The following KDM4B variants were observed in gnomAD, a reference collection of about 807,000 sequenced individuals.
The protein encoded by KDM4B is lysine-specific demethylase 4B.
KDM4B carries 32 observed loss-of-function variants against 125.2 expected under a neutral mutation model. The ratio of observed to expected loss-of-function variants is 0.26; its 90% CI spans 0.19 to 0.34. KDM4B has a LOEUF of 0.34. Among genes scored for constraint, KDM4B ranks in the 10% least tolerant of loss-of-function variants. The pLI is 1.00. For missense variants in KDM4B, 1,190 were observed against 1,577.7 expected (o/e 0.75, Z 4.16); for synonymous variants, 721 against 677.9 (o/e 1.06, Z -0.99).
At chr19:5,110,299 C>T (rs1225216455) in intron 9 of KDM4B, among the ~76,000 whole-genome samples, 2 of 152,138 alleles carry the variant, frequency 1.3e-5, no homozygotes, top group African/African-American at 4.8e-5. Flanking sequence ...AGCGAGACCC[C>T]ATCTCTAAAA....
chr19:5,046,149 G>A (rs1416048807), intron 5 of KDM4B, among the ~76,000 whole-genome samples: 3 of 152,218 alleles, frequency 2.0e-5, no homozygotes, highest in South Asian at 2.1e-4. Context: ...GTGATGACCC[G>A]GGAGGGACTC....
Position 5,144,905 on chromosome 19 carries a change from A to G in KDM4B, c.3021+3A>G. The G allele has an allele frequency of 6.2e-7, 1 of 1,613,000 alleles. No homozygotes were observed. Among genetic ancestry groups the G allele is most frequent in the Non-Finnish European group, 8.5e-7 (1 of 1,179,648 alleles). ...CCGTCACCAGCCACATCTACCAGGT[A>G]AGCGGGGGATCTGGCAGCCGCGCCA... On this transcript the variant is annotated splice_donor_region_variant and intron_variant, in intron 21 of 22. Coordinates refer to ENST00000159111, the MANE Select transcript of KDM4B (RefSeq NM_015015.3).
chr19:5,087,667 C>G (rs1289687527), intron 9 of KDM4B, among the ~76,000 whole-genome samples: 1 of 152,252 alleles, frequency 6.6e-6, no homozygotes, highest in Non-Finnish European at 1.5e-5. Flanking sequence ...TGAGGGCCCC[C>G]ATCTCTGAGT....
chr19:5,088,856 C>T (rs1051089419), intron 9 of KDM4B, among the ~76,000 whole-genome samples: 3 of 152,184 alleles, frequency 2.0e-5, no homozygotes, highest in African/African-American at 7.2e-5. Context: ...GAAGTGGGAG[C>T]TGACCTTACC....
intron 1 of KDM4B, among the ~76,000 whole-genome samples, chr19:4,980,210 C>G (rs556363191): frequency 2.0e-5 from 3 of 152,154 alleles, no homozygotes; most frequent in East Asian, 3.8e-4. Context: ...CAAAGGCACT[C>G]TGCCTCCACC....
intron 9 of KDM4B, among the ~76,000 whole-genome samples, chr19:5,090,284 G>A (rs868253482): frequency 2.0e-5 from 3 of 151,800 alleles, no homozygotes; most frequent in Non-Finnish European, 2.9e-5. Flanking sequence ...GAGGCTTAGG[G>A]TGCAGTACCC....
chr19:5,036,695 C>T (rs1599468930), intron 3 of KDM4B, among the ~76,000 whole-genome samples: 1 of 152,390 alleles, frequency 6.6e-6, no homozygotes, highest in Non-Finnish European at 1.5e-5. Context: ...CTTTCAGGGG[C>T]CGCCGGAGGC....
At chr19:5,128,200 G>GCTCTGTGTCCC (rs1421621706) in intron 11 of KDM4B, among the ~76,000 whole-genome samples, 4 of 151,990 alleles carry the variant, frequency 2.6e-5, no homozygotes, top group Admixed American at 2.0e-4. Context: ...TGTGTGAGGG[G>GCTCTGTGTCCC]TGGGTGGGGG....
chr19:4,996,255 G>A (rs949623979), intron 1 of KDM4B, among the ~76,000 whole-genome samples: 1 of 152,214 alleles, frequency 6.6e-6, no homozygotes, highest in Non-Finnish European at 1.5e-5. Flanking sequence ...CTCCCAAAGC[G>A]TTGGGATTAT....
chr19:5,093,206 C>T (rs899046759), intron 9 of KDM4B, among the ~76,000 whole-genome samples: 9 of 152,322 alleles, frequency 5.9e-5, no homozygotes, highest in African/African-American at 2.2e-4. Flanking sequence ...AGGTGTGCAG[C>T]TGCCTGCTTG....
intron 6 of KDM4B, among the ~76,000 whole-genome samples, chr19:5,068,525 T>C (rs1480849718): frequency 2.0e-5 from 3 of 152,362 alleles, no homozygotes; most frequent in African/African-American, 7.2e-5. Context: ...CTGTGTGTCC[T>C]AAGCCGTGTC....
At chr19:4,984,922 G>A (rs1419874726) in intron 1 of KDM4B, among the ~76,000 whole-genome samples, 1 of 152,202 alleles carries the variant, frequency 6.6e-6, no homozygotes, top group African/African-American at 2.4e-5. Context: ...TTTAGCCAAA[G>A]GGAGGGCTGC....
At position 5,051,908 on chromosome 19, in the gene KDM4B, T is replaced by C. The variant is rs879648243; in HGVS notation, c.626+4239T>C. ...ATCGCTCCGCCCACCCTCTCCTGCC[T>C]CTGTTTACCTTGGACACACTCAGTC... On this transcript the variant is annotated intron_variant, in intron 6 of 22. Transcript: ENST00000159111. Among the ~76,000 whole-genome samples, 5 of 152,182 alleles carry C rather than the reference T, an allele frequency of 3.3e-5. No individual in the cohort carries two copies. The East Asian group carries it at 5.8e-4, about 18-fold the overall frequency.
intron 1 of KDM4B, among the ~76,000 whole-genome samples, chr19:4,983,207 T>C (rs77174175): frequency 0.08 from 11,973 of 150,532 alleles, 1,479 homozygotes; most frequent in African/African-American, 0.26. Context: ...CCCTACGTGG[T>C]TGATCATTTG....
intron 1 of KDM4B, among the ~76,000 whole-genome samples, chr19:4,992,730 C>T (rs1215151581): frequency 1.3e-5 from 2 of 152,342 alleles, no homozygotes; most frequent in East Asian, 1.9e-4. Context: ...GGATTACAGG[C>T]ATGAGCCACT....
In KDM4B at chr19:5,035,642, C is replaced by A. The variant is rs2036593650; in HGVS notation, c.141+2611C>A. ...TTTCTGCACTCCCCCCAGGCCAGTT[C>A]CCCCGAGATTCTTGGCACCGGCGTC... is the stretch of plus-strand genomic sequence containing the variant. On this transcript the variant is annotated intron_variant, in intron 3 of 22. Coordinates refer to ENST00000159111, the MANE Select transcript of KDM4B (RefSeq NM_015015.3). The surrounding 1 kb of genome is among the most constrained non-coding windows in gnomAD (Gnocchi z 5.3). Among the ~76,000 whole-genome samples the A allele has an allele frequency of 1.3e-5, 2 of 152,156 alleles. No homozygotes were observed. The highest frequency in any genetic ancestry group is 4.8e-5 in the African/African-American group (2 of 41,430).
chr19:5,146,953 A>AAAAC (rs2039860716), intron 21 of KDM4B, among the ~76,000 whole-genome samples: 1 of 150,540 alleles, frequency 6.6e-6, no homozygotes, highest in Non-Finnish European at 1.5e-5. Context: ...AAAAAAAAAA[A>AAAAC]AAAAAAAAAC....
In KDM4B at chr19:5,114,430, C is replaced by T. The variant is rs1033652148; in HGVS notation, c.1115+3612C>T. The T allele has an allele frequency of 9.8e-6, 4 of 407,670 alleles. No individual in the cohort carries two copies. Among genetic ancestry groups the T allele is most frequent in the Non-Finnish European group, 2.0e-5 (4 of 201,444 alleles). 25.3% of individuals were successfully genotyped at this position (407,670 alleles called of 1,614,324 possible). On this transcript the variant is annotated intron_variant, in intron 10 of 22. Coordinates refer to ENST00000159111, the MANE Select transcript of KDM4B (RefSeq NM_015015.3). The surrounding 1 kb of genome is among the most constrained non-coding windows in gnomAD (Gnocchi z 5.8). ...CCTCTGGCCCCGACTCCTGCCAGGGCTGCCACGGCTGCCACACCCCAGCTG... is the reference window on the plus strand; with the variant it reads ...CCTCTGGCCCCGACTCCTGCCAGGGTTGCCACGGCTGCCACACCCCAGCTG...
In KDM4B at chr19:5,047,563, A is replaced by G. The variant is rs144944237; in HGVS notation, c.520A>G (p.Thr174Ala). The G allele has an allele frequency of 3.1e-6, 5 of 1,613,754 alleles. No homozygotes were observed. The highest frequency in any genetic ancestry group is 3.4e-6 in the Non-Finnish European group (4 of 1,179,914). Residue 174 changes from threonine (T) to alanine (A), a missense_variant, in exon 6 of 23, where the codon ACG (threonine) becomes GCG (alanine). By Grantham distance (58) the Thr-to-Ala change is moderately conservative. Coordinates refer to ENST00000159111, the MANE Select transcript of KDM4B (RefSeq NM_015015.3). ...CGGCACCATCATCGAGGGCGTGAAC[A>G]CGCCCTACCTGTACTTCGGCATGTG... ...ECGTIIEGVN[T>A]PYLYFGMWKT...
Sources: gnomAD v4.1 joint callset for allele counts (sites outside exome capture counted in the v4.1 genomes callset) on GRCh38, gnomAD v4.1.1 for gene constraint, Gnocchi (gnomAD v3.1) non-coding constraint, MANE v1.5 for transcripts, NCBI Gene and HGNC (gene_info 2026-07-23, HGNC 2026-07-21) for gene names.